CAMKMT: variants seen among roughly 807,000 people sequenced by gnomAD.
CAMKMT encodes CaM KMT.
CAMKMT carries 53 observed loss-of-function variants against 48.0 expected under a neutral mutation model. The observed-to-expected ratio is 1.10, with a 90% CI of 0.89 to 1.39. The LOEUF is 1.39. Among genes scored for constraint, CAMKMT ranks in the 40% most tolerant of loss-of-function variants. CAMKMT has a pLI of 0.00. For missense variants in CAMKMT, 428 were observed against 402.7 expected, an observed-to-expected ratio of 1.06 and a Z score of -0.54; for synonymous variants, 165 against 152.3, an observed-to-expected ratio of 1.08 and a Z score of -0.61.
chr2:44,513,836 C>T (rs572265746), intron 3 of CAMKMT, among the ~76,000 whole-genome samples: 74 of 152,174 alleles, frequency 4.9e-4, no homozygotes, highest in Admixed American at 1.0e-3. Flanking sequence ...AATGGTGGCT[C>T]ACACCTGTAA....
At chr2:44,766,288 G>A in intron 9 of CAMKMT, 142 bp from the exon 10 acceptor site, 1 of 813,598 alleles carries the variant, frequency 1.2e-6, no homozygotes. Context: ...TTCTCACTGT[G>A]AATGTCCATC....
rs749946477 is a variant in CAMKMT at position 44,373,434 on chromosome 2, A to G, written c.311+546A>G. On this transcript the variant is annotated intron_variant, in intron 2 of 10. Transcript: ENST00000378494. ...AGAGACAAGAGAGTTACAGACTGCA[A>G]TAACAAGATACCATTTTACTGAATT... Among the ~76,000 whole-genome samples, 11 of 152,364 alleles carry G rather than the reference A, an allele frequency of 7.2e-5. No individual in the cohort carries two copies. In the South Asian group the frequency reaches 1.7e-3, roughly 23 times the overall value.
At chr2:44,496,033 C>A (rs990823288) in intron 3 of CAMKMT, among the ~76,000 whole-genome samples, 2 of 152,114 alleles carry the variant, frequency 1.3e-5, no homozygotes, top group African/African-American at 4.8e-5. Flanking sequence ...CTCCTGCATT[C>A]AGAGTAAGGC....
intron 3 of CAMKMT, among the ~76,000 whole-genome samples, chr2:44,447,137 AT>A (rs1667046303): frequency 6.6e-6 from 1 of 152,152 alleles, no homozygotes; most frequent in Admixed American, 6.5e-5. Flanking sequence ...GCATCTGTAT[AT>A]TGCTTTGTGC....
chr2:44,631,468 A>G, intron 3 of CAMKMT: 1 of 601,050 alleles, frequency 1.7e-6, no homozygotes, highest in Non-Finnish European at 2.9e-6. Flanking sequence ...AAAAAAAAAC[A>G]ATTTTTTATT....
intron 7 of CAMKMT, among the ~76,000 whole-genome samples, chr2:44,740,426 G>A (rs978597599): frequency 2.0e-5 from 3 of 152,116 alleles, no homozygotes; most frequent in African/African-American, 4.8e-5. Context: ...CACCGTGCCC[G>A]GCTGGATTGC....
chr2:44,630,365 G>A (rs1032978320), intron 3 of CAMKMT, among the ~76,000 whole-genome samples: 26 of 152,196 alleles, frequency 1.7e-4, no homozygotes, highest in African/African-American at 6.0e-4. Context: ...AACACCAAAA[G>A]CAATGGCAAC....
chr2:44,517,482 C>CA (rs1346619426), intron 3 of CAMKMT, among the ~76,000 whole-genome samples: 1 of 152,176 alleles, frequency 6.6e-6, no homozygotes, highest in Non-Finnish European at 1.5e-5. Flanking sequence ...AAACCAAAGT[C>CA]AAAAAGATGG....
At chr2:44,463,209 C>T (rs147571501) in intron 3 of CAMKMT, among the ~76,000 whole-genome samples, 1 of 152,304 alleles carries the variant, frequency 6.6e-6, no homozygotes, top group African/African-American at 2.4e-5. Context: ...TAATGGCTTA[C>T]AGTAATGTCA....
chr2:44,594,747 C>G (rs184800316), intron 3 of CAMKMT, among the ~76,000 whole-genome samples: 1 of 152,282 alleles, frequency 6.6e-6, no homozygotes, highest in African/African-American at 2.4e-5. Context: ...AGGACATAGG[C>G]ATGGGCAAAG....
At chr2:44,626,898 A>G (rs540671826) in intron 3 of CAMKMT, among the ~76,000 whole-genome samples, 4 of 152,216 alleles carry the variant, frequency 2.6e-5, no homozygotes, top group Admixed American at 1.3e-4. Flanking sequence ...TGGCTGGGAG[A>G]TCCAGTGCAG....
chr2:44,561,635 T>G (rs2103695242), intron 3 of CAMKMT, among the ~76,000 whole-genome samples: 1 of 152,306 alleles, frequency 6.6e-6, no homozygotes, highest in South Asian at 2.1e-4. Flanking sequence ...TGCTCCCTTT[T>G]CAGGAGGTGA....
intron 3 of CAMKMT, among the ~76,000 whole-genome samples, chr2:44,577,652 G>GGA (rs1258004818): frequency 6.9e-6 from 1 of 144,710 alleles, no homozygotes; most frequent in Non-Finnish European, 1.5e-5. Context: ...ACGGGGAGGG[G>GGA]GAGAGAGAGG....
intron 3 of CAMKMT, among the ~76,000 whole-genome samples, chr2:44,692,751 C>T (rs1236812764): frequency 1.3e-5 from 2 of 152,176 alleles, no homozygotes; most frequent in Non-Finnish European, 1.5e-5. Flanking sequence ...GAAGACCCCC[C>T]AGACATAATC....
chr2:44,460,318 C>T (rs1479853642), intron 3 of CAMKMT, among the ~76,000 whole-genome samples: 4 of 152,028 alleles, frequency 2.6e-5, no homozygotes, highest in Non-Finnish European at 4.4e-5. Flanking sequence ...TTGAAAGATT[C>T]TCTGTGTTAT....
At chr2:44,484,261 TA>T (rs1669108971) in intron 3 of CAMKMT, among the ~76,000 whole-genome samples, 1 of 151,286 alleles carries the variant, frequency 6.6e-6, no homozygotes, top group Non-Finnish European at 1.5e-5. Context: ...AAAGAACCAA[TA>T]ATAGTCAAAA....
At chr2:44,519,667 G>C (rs1049715455) in intron 3 of CAMKMT, among the ~76,000 whole-genome samples, 1 of 152,296 alleles carries the variant, frequency 6.6e-6, no homozygotes, top group Admixed American at 6.5e-5. Flanking sequence ...AAACAAAAAA[G>C]TGTGACTTAG....
chr2:44,595,756 T>G (rs1670613944), intron 3 of CAMKMT, among the ~76,000 whole-genome samples: 1 of 152,136 alleles, frequency 6.6e-6, no homozygotes, highest in South Asian at 2.1e-4. Context: ...AATCATAGAC[T>G]GGATAAATGA....
intron 8 of CAMKMT, among the ~76,000 whole-genome samples, chr2:44,745,717 A>G (rs917378737): frequency 1.3e-5 from 2 of 152,176 alleles, no homozygotes; most frequent in African/African-American, 4.8e-5. Context: ...TAAATGTGAA[A>G]CATTAAGCTA....
Sources: gnomAD v4.1 joint callset for allele counts (sites outside exome capture counted in the v4.1 genomes callset) on GRCh38, gnomAD v4.1.1 for gene constraint, MANE v1.5 for transcripts, NCBI Gene and HGNC (gene_info 2026-07-23, HGNC 2026-07-21) for gene names.